Variants in CDH8 observed in about 807,000 individuals in gnomAD.
CDH8 encodes cadherin 8.
CDH8 carries 17 observed loss-of-function variants against 68.1 expected under a neutral mutation model. That is an observed-to-expected ratio of 0.25 (90% confidence interval 0.17 to 0.37). The LOEUF (loss-of-function observed/expected upper bound fraction) is 0.37. Ranked by LOEUF, CDH8 falls within the 10% of genes least tolerant of loss-of-function variation. CDH8 has a pLI of 1.00. For missense variants in CDH8, 763 were observed against 999.3 expected (o/e 0.76, Z 3.19); for synonymous variants, 372 against 365.1 (o/e 1.02, Z -0.21).
At chr16:61,673,905 T>C (rs1963844821) in intron 10 of CDH8, among the ~76,000 whole-genome samples, 1 of 152,046 alleles carries the variant, frequency 6.6e-6, no homozygotes, top group African/African-American at 2.4e-5. Context: ...TGAAATATGA[T>C]AAGGTTCATG....
At chr16:61,996,457 A>G (rs1380750476) in intron 2 of CDH8, among the ~76,000 whole-genome samples, 1 of 152,206 alleles carries the variant, frequency 6.6e-6, no homozygotes, top group Non-Finnish European at 1.5e-5. Context: ...GTACTAACTC[A>G]TCACATTTAA....
At chr16:61,886,459 CTACTT>C (rs1963674260) in intron 3 of CDH8, among the ~76,000 whole-genome samples, 1 of 152,220 alleles carries the variant, frequency 6.6e-6, no homozygotes, top group African/African-American at 2.4e-5. Flanking sequence ...ATCCAGCAGA[CTACTT>C]TATATTTCTC....
At chr16:61,683,609 T>A (rs958793485) in intron 10 of CDH8, among the ~76,000 whole-genome samples, 10 of 151,994 alleles carry the variant, frequency 6.6e-5, no homozygotes, top group South Asian at 4.1e-4. Flanking sequence ...TTAAAGGACA[T>A]TTGGGTATCA....
At chr16:61,725,403 A>G (rs968669183) in intron 9 of CDH8, 3 of 150,850 alleles carry the variant, frequency 2.0e-5, no homozygotes, top group Non-Finnish European at 4.5e-5. Context: ...TGAAATATCA[A>G]TGTCATTGAC....
chr16:61,920,439 C>T (rs1215436670), intron 2 of CDH8, among the ~76,000 whole-genome samples: 7 of 149,010 alleles, frequency 4.7e-5, no homozygotes, highest in Non-Finnish European at 9.0e-5. Flanking sequence ...AAAAAGTGGG[C>T]GAAGGGCATG....
At chr16:61,837,787 C>A (rs1272331278) in intron 4 of CDH8, among the ~76,000 whole-genome samples, 1 of 152,034 alleles carries the variant, frequency 6.6e-6, no homozygotes, top group Non-Finnish European at 1.5e-5. Flanking sequence ...TTTAACTACA[C>A]TTAGCCCAGG....
At position 61,650,658 on chromosome 16, in the gene CDH8, TTTTA is replaced by T. The variant is rs1275083353; in HGVS notation, c.*2946_*2949del. On this transcript the variant is annotated 3_prime_UTR_variant, in exon 12 of 12. Transcript: ENST00000577390. ...AAAACTTCAAGTCAAAATGTGTGTTTTTTATTTGTTTGTTGTGTGTGTGTGTGTG... is the reference window on the plus strand; with the variant it reads ...AAAACTTCAAGTCAAAATGTGTGTTTTTTGTTTGTTGTGTGTGTGTGTGTG... The T allele has an allele frequency of 2.7e-5, 4 of 150,940 alleles. No individual in the cohort carries two copies. The highest frequency in any genetic ancestry group is 5.9e-5 in the Non-Finnish European group (4 of 67,786). 9.4% of individuals were successfully genotyped at this position (150,940 alleles called of 1,614,324 possible).
intron 2 of CDH8, among the ~76,000 whole-genome samples, chr16:61,978,232 T>C (rs1412278857): frequency 1.3e-5 from 2 of 152,172 alleles, no homozygotes; most frequent in Non-Finnish European, 2.9e-5. Flanking sequence ...ATGTTCTCAT[T>C]ATGGGTATGC....
intron 2 of CDH8, chr16:61,933,966 T>C (rs370255344): frequency 2.6e-5 from 4 of 152,328 alleles, no homozygotes; most frequent in East Asian, 3.9e-4. Context: ...ATTGTAGTAA[T>C]AATATTGGTT....
intron 2 of CDH8, among the ~76,000 whole-genome samples, chr16:62,013,651 A>T (rs1901870276): frequency 1.3e-5 from 2 of 152,146 alleles, no homozygotes; most frequent in African/African-American, 2.4e-5. Context: ...TATGTTATAA[A>T]TCTTAATTTT....
intron 2 of CDH8, among the ~76,000 whole-genome samples, chr16:61,919,061 AC>A (rs1456010422): frequency 1.4e-5 from 2 of 146,376 alleles, no homozygotes; most frequent in Non-Finnish European, 3.0e-5. Flanking sequence ...GCATACTGAC[AC>A]CTCACACGGC....
intron 4 of CDH8, among the ~76,000 whole-genome samples, chr16:61,838,104 T>C (rs1172436929): frequency 6.6e-6 from 1 of 152,016 alleles, no homozygotes; most frequent in Non-Finnish European, 1.5e-5. Flanking sequence ...AAAGATTAAG[T>C]GGCTTGTGCT....
At chr16:61,859,416 T>G (rs2143016778) in intron 3 of CDH8, among the ~76,000 whole-genome samples, 1 of 152,134 alleles carries the variant, frequency 6.6e-6, no homozygotes, top group South Asian at 2.1e-4. Flanking sequence ...GACATGAAAT[T>G]AAGAAGAAAA....
At chr16:62,031,731 T>G (rs567886118) in intron 1 of CDH8, among the ~76,000 whole-genome samples, 1 of 151,818 alleles carries the variant, frequency 6.6e-6, no homozygotes, top group African/African-American at 2.4e-5. Context: ...ATATTGTTTA[T>G]GATAGGAAAT....
intron 3 of CDH8, among the ~76,000 whole-genome samples, chr16:61,868,782 TG>T (rs1963303218): frequency 6.6e-6 from 1 of 152,172 alleles, no homozygotes; most frequent in Non-Finnish European, 1.5e-5. Context: ...GGTACATGCA[TG>T]CTTAGAGAGA....
intron 8 of CDH8, among the ~76,000 whole-genome samples, chr16:61,758,377 A>G (rs7202312): frequency 0.56 from 85,721 of 152,016 alleles, 26,443 homozygotes; most frequent in African/African-American, 0.83. Context: ...GTTAAAGAAG[A>G]AACTTTTTCT....
chr16:61,771,996 A>G (rs1288656502), intron 8 of CDH8, among the ~76,000 whole-genome samples: 2 of 151,946 alleles, frequency 1.3e-5, no homozygotes, highest in East Asian at 1.9e-4. Flanking sequence ...CTTCAGCATC[A>G]TTCCAGGCTT....
chr16:62,020,506 ACAC>A (rs1902047778), intron 2 of CDH8, among the ~76,000 whole-genome samples: 1 of 150,642 alleles, frequency 6.6e-6, no homozygotes, highest in Non-Finnish European at 1.5e-5. Context: ...GCGCACACAC[ACAC>A]ACACACACAC....
chr16:61,704,583 G>A (rs188244946), intron 10 of CDH8, among the ~76,000 whole-genome samples: 27 of 152,302 alleles, frequency 1.8e-4, no homozygotes, highest in Non-Finnish European at 3.5e-4. Flanking sequence ...AGAAATTACA[G>A]TAACTTCCAT....
Sources: allele counts gnomAD v4.1 joint callset (sites outside exome capture counted in the v4.1 genomes callset), GRCh38; gene constraint gnomAD v4.1.1; transcripts MANE v1.5; gene names NCBI Gene and HGNC (gene_info 2026-07-23, HGNC 2026-07-21).